The following MBD5 variants were observed in gnomAD, a reference collection of about 807,000 sequenced individuals.
The protein encoded by MBD5 is methyl-CpG-binding domain protein 5.
MBD5 carries 13 observed loss-of-function variants against 117.3 expected under a neutral mutation model. The ratio of observed to expected loss-of-function variants is 0.11; its 90% CI spans 0.07 to 0.18. The LOEUF (loss-of-function observed/expected upper bound fraction) is 0.18, where lower values mean the gene tolerates loss of function less well. Among genes scored for constraint, MBD5 ranks in the 10% least tolerant of loss-of-function variants. MBD5 has a pLI of 1.00. For missense variants in MBD5, 1,879 were observed against 2,093.8 expected (o/e 0.90, Z 2.00); for synonymous variants, 727 against 766.4 (o/e 0.95, Z 0.85).
chr2:148,486,000 T>C (rs377085701), intron 10 of MBD5, 50 bp downstream of exon 10: 8 of 1,565,792 alleles, frequency 5.1e-6, no homozygotes, highest in Non-Finnish European at 7.0e-6. Flanking sequence ...TCTGAGTTTG[T>C]TTAAATACTT....
intron 1 of MBD5, among the ~76,000 whole-genome samples, chr2:148,022,154 ACCTGAGTGTT>A (rs1693767416): frequency 1.3e-5 from 2 of 152,220 alleles, no homozygotes; most frequent in Non-Finnish European, 2.9e-5. Flanking sequence ...CCATTTGTAG[ACCTGAGTGTT>A]TTCCCCTTTT....
intron 3 of MBD5, among the ~76,000 whole-genome samples, chr2:148,325,385 G>A (rs967586959): frequency 2.0e-5 from 3 of 152,090 alleles, no homozygotes; most frequent in Non-Finnish European, 4.4e-5. Context: ...TTTTTCTATT[G>A]ATTGGAATAG....
At chr2:148,081,719 C>A (rs1284584070) in intron 1 of MBD5, among the ~76,000 whole-genome samples, 1 of 152,164 alleles carries the variant, frequency 6.6e-6, no homozygotes, top group Non-Finnish European at 1.5e-5. Context: ...GTGCCACCCA[C>A]TCAGAAGGCT....
chr2:148,353,516 A>C (rs1412948230), intron 4 of MBD5, among the ~76,000 whole-genome samples: 1 of 152,116 alleles, frequency 6.6e-6, no homozygotes, highest in Non-Finnish European at 1.5e-5. Context: ...CACATAAAGG[A>C]AGCATTATAT....
intron 5 of MBD5, among the ~76,000 whole-genome samples, chr2:148,461,713 A>T (rs1038312784): frequency 2.6e-5 from 4 of 152,218 alleles, no homozygotes; most frequent in Non-Finnish European, 5.9e-5. Context: ...CCTAAAATGC[A>T]GATTGTCCAT....
intron 4 of MBD5, among the ~76,000 whole-genome samples, chr2:148,392,414 G>A (rs1704593602): frequency 6.6e-6 from 1 of 152,064 alleles, no homozygotes; most frequent in Non-Finnish European, 1.5e-5. Context: ...AAATACAGAT[G>A]CCAAAATGCT....
intron 3 of MBD5, among the ~76,000 whole-genome samples, chr2:148,285,728 A>T (rs1279118956): frequency 6.6e-6 from 1 of 151,104 alleles, no homozygotes; most frequent in Non-Finnish European, 1.5e-5. Context: ...AATTCACCGC[A>T]TTTTTTTTTA....
intron 4 of MBD5, among the ~76,000 whole-genome samples, chr2:148,418,131 C>T (rs1354739304): frequency 3.9e-5 from 6 of 152,084 alleles, no homozygotes; most frequent in African/African-American, 9.7e-5. Context: ...TGAGCCACCA[C>T]GCCCAGCCTT....
At chr2:148,084,644 T>C (rs1695732609) in intron 1 of MBD5, among the ~76,000 whole-genome samples, 1 of 152,214 alleles carries the variant, frequency 6.6e-6, no homozygotes, top group Non-Finnish European at 1.5e-5. Flanking sequence ...CATATACTTT[T>C]GGTTATTTAA....
At chr2:148,066,186 A>T (rs1049947271) in intron 1 of MBD5, among the ~76,000 whole-genome samples, 3 of 152,072 alleles carry the variant, frequency 2.0e-5, no homozygotes, top group Non-Finnish European at 4.4e-5. Context: ...TGCGCCTGTC[A>T]TCGCAGCTAC....
chr2:148,300,420 T>C (rs1701755395), intron 3 of MBD5, among the ~76,000 whole-genome samples: 2 of 152,144 alleles, frequency 1.3e-5, no homozygotes, highest in South Asian at 4.1e-4. Context: ...TGCTATTCTC[T>C]CTTCTTTTCC....
chr2:148,060,162 A>AAAAAAAAAAAAAAAG (rs1694990271), intron 1 of MBD5, among the ~76,000 whole-genome samples: 1 of 134,630 alleles, frequency 7.4e-6, no homozygotes, highest in African/African-American at 2.7e-5. Context: ...AAAAAAAAAA[A>AAAAAAAAAAAAAAAG]GCCAGGCATG....
intron 1 of MBD5, among the ~76,000 whole-genome samples, chr2:148,043,087 A>G (rs950372087): frequency 1.3e-5 from 2 of 152,070 alleles, no homozygotes; most frequent in African/African-American, 2.4e-5. Flanking sequence ...CCTGAGTTGC[A>G]TATTAAAATT....
chr2:148,066,104 C>T (rs185242919), intron 1 of MBD5, among the ~76,000 whole-genome samples: 1 of 152,196 alleles, frequency 6.6e-6, no homozygotes, highest in East Asian at 1.9e-4. Context: ...CAAGACAAGC[C>T]TGGGCAATAT....
At chr2:148,499,379 C>T (rs1397419870) in intron 11 of MBD5, among the ~76,000 whole-genome samples, 2 of 152,086 alleles carry the variant, frequency 1.3e-5, no homozygotes, top group Non-Finnish European at 2.9e-5. Context: ...TTCCAGGTAG[C>T]TTTATGATTC....
intron 4 of MBD5, among the ~76,000 whole-genome samples, chr2:148,418,254 C>G (rs573669985): frequency 6.6e-6 from 1 of 152,198 alleles, no homozygotes; most frequent in Non-Finnish European, 1.5e-5. Flanking sequence ...TCTGTTTACT[C>G]TGATGATTAT....
intron 3 of MBD5, among the ~76,000 whole-genome samples, chr2:148,292,572 T>C (rs55721902): frequency 0.94 from 143,575 of 152,246 alleles, 68,231 homozygotes; most frequent in East Asian, 1. Context: ...TAATAACAAA[T>C]GCTAGCTAGG....
intron 2 of MBD5, among the ~76,000 whole-genome samples, chr2:148,187,765 G>T (rs1180300277): frequency 1.3e-5 from 2 of 151,892 alleles, no homozygotes. Context: ...TAGCAGACCT[G>T]TTACAAGAAA....
chr2:148,189,224 G>A (rs1286971185), intron 2 of MBD5, among the ~76,000 whole-genome samples: 1 of 147,938 alleles, frequency 6.8e-6, no homozygotes, highest in Non-Finnish European at 1.5e-5. Flanking sequence ...AAACAAAGCA[G>A]CCGGGAAGCT....
Sources: gnomAD v4.1 joint callset for allele counts (sites outside exome capture counted in the v4.1 genomes callset) on GRCh38, gnomAD v4.1.1 for gene constraint, MANE v1.5 for transcripts, NCBI Gene and HGNC (gene_info 2026-07-23, HGNC 2026-07-21) for gene names.